Variants in UST observed in about 807,000 individuals in gnomAD.
The protein encoded by UST is uronyl 2-sulfotransferase.
In UST, 21 loss-of-function variants were observed where a neutral mutation model predicts 45.6. The observed-to-expected ratio is 0.46, with a 90% confidence interval of 0.33 to 0.66. The LOEUF is 0.66. UST is among the 30% of genes least tolerant of loss of function. UST has a pLI of 0.02. For synonymous variants in UST, 215 were observed against 200.6 expected, an observed-to-expected ratio of 1.07 and a Z score of -0.61; for missense variants, 463 against 512.4, an observed-to-expected ratio of 0.90 and a Z score of 0.93.
rs141290657 is a variant in UST, at chr6:148,792,049, C to T, written c.247+44372C>T. On this transcript the variant is annotated intron_variant, in intron 1 of 7. Coordinates refer to ENST00000367463, the MANE Select transcript of UST (RefSeq NM_005715.3). The stretch of plus-strand genomic sequence containing the variant: ...GAGATTGTAAAATCCTCAGAGGAAG[C>T]GGGGAAAGTGGGTCTGAGAAGAGGG... Among the ~76,000 whole-genome samples the T allele has an allele frequency of 1.2e-3, 185 of 152,154 alleles. No individual in the cohort carries two copies. In the Middle Eastern group the frequency reaches 0.017, roughly 14 times the overall value.
At chr6:148,896,498 T>C (rs1277200364) in intron 2 of UST, among the ~76,000 whole-genome samples, 1 of 152,200 alleles carries the variant, frequency 6.6e-6, no homozygotes, top group African/African-American at 2.4e-5. Context: ...GTAAAGAACA[T>C]GCGATGTGGT....
chr6:148,798,983 C>G (rs569818962), intron 1 of UST, among the ~76,000 whole-genome samples: 2 of 152,260 alleles, frequency 1.3e-5, no homozygotes, highest in African/African-American at 4.8e-5. Flanking sequence ...GATTCTCCTG[C>G]GTTGGCTTCC....
At chr6:148,995,736 A>G (rs536493039) in intron 5 of UST, among the ~76,000 whole-genome samples, 1 of 152,384 alleles carries the variant, frequency 6.6e-6, no homozygotes, top group African/African-American at 2.4e-5. Context: ...TCAAATTTCT[A>G]GCTTCTCTTG....
intron 5 of UST, among the ~76,000 whole-genome samples, chr6:148,992,548 A>C (rs1781376017): frequency 6.6e-6 from 1 of 152,332 alleles, no homozygotes; most frequent in East Asian, 1.9e-4. Flanking sequence ...CCACTGTGCT[A>C]GATTAAATGG....
At chr6:148,852,988 T>C (rs1212705380) in intron 1 of UST, among the ~76,000 whole-genome samples, 2 of 152,218 alleles carry the variant, frequency 1.3e-5, no homozygotes, top group East Asian at 3.8e-4. Flanking sequence ...CTGGGGTACA[T>C]GTGCAGGACA....
At chr6:148,908,711 AC>A (rs1779415375) in intron 2 of UST, among the ~76,000 whole-genome samples, 1 of 152,210 alleles carries the variant, frequency 6.6e-6, no homozygotes, top group Non-Finnish European at 1.5e-5. Flanking sequence ...TATGCAGACA[AC>A]ATATTTTCAG....
At chr6:148,881,104 TGTA>T (rs1778815501) in intron 1 of UST, among the ~76,000 whole-genome samples, 1 of 152,058 alleles carries the variant, frequency 6.6e-6, no homozygotes, top group African/African-American at 2.4e-5. Context: ...GTATAGAGTA[TGTA>T]ACCACCACCA....
intron 2 of UST, among the ~76,000 whole-genome samples, chr6:148,893,314 T>C (rs1779054965): frequency 6.6e-6 from 1 of 152,234 alleles, no homozygotes; most frequent in Non-Finnish European, 1.5e-5. Context: ...ATAATATTTG[T>C]ATAGTGCTTT....
At chr6:149,005,300 C>A in intron 5 of UST, 1 of 985,362 alleles carries the variant, frequency 1.0e-6, no homozygotes, top group Non-Finnish European at 1.2e-6. Context: ...CTTCTGGGTC[C>A]AGGATCAGCC....
At chr6:148,756,797 C>A (rs1015043338) in intron 1 of UST, among the ~76,000 whole-genome samples, 1 of 152,186 alleles carries the variant, frequency 6.6e-6, no homozygotes, top group Non-Finnish European at 1.5e-5. Flanking sequence ...TCCACACAGG[C>A]CCTCAGGAAG....
At chr6:148,791,551 C>G (rs1162637960) in intron 1 of UST, among the ~76,000 whole-genome samples, 2 of 152,186 alleles carry the variant, frequency 1.3e-5, no homozygotes, top group East Asian at 1.9e-4. Context: ...AAAAAACAAA[C>G]ATGAGTTCTA....
At chr6:149,059,250 G>T (rs1014901275) in intron 7 of UST, among the ~76,000 whole-genome samples, 1 of 152,188 alleles carries the variant, frequency 6.6e-6, no homozygotes, top group Non-Finnish European at 1.5e-5. Context: ...AGGATCTGAG[G>T]GTGAGGTTGG....
chr6:148,762,923 A>C lies in UST; in HGVS notation c.247+15246A>C, dbSNP rs755847162. 2.0e-5 allele frequency among the ~76,000 whole-genome samples: 3 copies of C among 152,206 alleles called. No homozygotes were observed. In the East Asian group the frequency reaches 5.8e-4, roughly 29 times the overall value. On this transcript the variant is annotated intron_variant, in intron 1 of 7. Transcript: ENST00000367463. ...CATCTGTTGATGGACAGTTAGTTTC[A>C]TTCCCTGACTTTGCTGTTGTGAATA...
At chr6:148,889,517 G>A (rs142172354) in intron 2 of UST, among the ~76,000 whole-genome samples, 46 of 152,266 alleles carry the variant, frequency 3.0e-4, no homozygotes, top group African/African-American at 1.0e-3. Flanking sequence ...CCCAGGTAGG[G>A]AGGGGCAAGG....
At chr6:149,037,874 C>T (rs1422206044) in intron 7 of UST, among the ~76,000 whole-genome samples, 1 of 152,138 alleles carries the variant, frequency 6.6e-6, no homozygotes, top group Non-Finnish European at 1.5e-5. Flanking sequence ...ATTTTCCTCC[C>T]AGCGTGGGCT....
At chr6:148,823,862 T>G (rs748418209) in intron 1 of UST, among the ~76,000 whole-genome samples, 5 of 152,210 alleles carry the variant, frequency 3.3e-5, no homozygotes, top group African/African-American at 4.8e-5. Flanking sequence ...ATGCTATTCC[T>G]CCTCCAGGTA....
intron 2 of UST, among the ~76,000 whole-genome samples, chr6:148,921,363 A>T (rs1018123331): frequency 2.6e-5 from 4 of 152,244 alleles, no homozygotes; most frequent in African/African-American, 9.6e-5. Flanking sequence ...TCGCCCAGAG[A>T]TGGAGAAGAC....
chr6:149,037,334 A>G (rs1283383563), intron 7 of UST, among the ~76,000 whole-genome samples: 1 of 152,228 alleles, frequency 6.6e-6, no homozygotes, highest in East Asian at 1.9e-4. Flanking sequence ...CTCTCTAAAT[A>G]CATTCCATAT....
intron 1 of UST, among the ~76,000 whole-genome samples, chr6:148,842,055 G>A (rs542382971): frequency 6.6e-6 from 1 of 152,220 alleles, no homozygotes; most frequent in South Asian, 2.1e-4. Flanking sequence ...GCAGTGAGCC[G>A]AGATCTTACC....
Sources: allele counts gnomAD v4.1 joint callset (sites outside exome capture counted in the v4.1 genomes callset), GRCh38; gene constraint gnomAD v4.1.1; transcripts MANE v1.5; gene names NCBI Gene and HGNC (gene_info 2026-07-23, HGNC 2026-07-21).